Variants in TTC6 observed in about 807,000 individuals in gnomAD.
TTC6 encodes tetratricopeptide repeat protein 6.
In TTC6, 172 loss-of-function variants were observed where a neutral mutation model predicts 210.4. The ratio of observed to expected loss-of-function variants is 0.82; its 90% confidence interval spans 0.72 to 0.93. TTC6 has a LOEUF of 0.93. Ranked by LOEUF, TTC6 falls within the 40% of genes least tolerant of loss-of-function variation. The pLI is 0.00. For missense variants in TTC6, 2,414 were observed against 2,318.1 expected (o/e 1.04, Z -0.85); for synonymous variants, 804 against 819.6 (o/e 0.98, Z 0.32).
chr14:37,776,319 G>C (rs1219508273), intron 14 of TTC6, among the ~76,000 whole-genome samples: 2 of 152,112 alleles, frequency 1.3e-5, no homozygotes, highest in Non-Finnish European at 2.9e-5. Flanking sequence ...TTACATTCAA[G>C]GTTAGTGTTG....
At chr14:37,752,904 C>T (rs1487254024) in intron 13 of TTC6, among the ~76,000 whole-genome samples, 195 bp from the exon 16 acceptor site, 1 of 151,866 alleles carries the variant, frequency 6.6e-6, no homozygotes, top group Non-Finnish European at 1.5e-5. Context: ...AAAATACTCC[C>T]TCTCTAGAAT....
intron 24 of TTC6, 107 bp from the exon 27 acceptor site, chr14:37,812,202 CAAATT>C: frequency 8.9e-7 from 1 of 1,124,416 alleles, no homozygotes; most frequent in Non-Finnish European, 1.2e-6. Flanking sequence ...AATTATAAAA[CAAATT>C]GAAGAACTAA....
intron 10 of TTC6, among the ~76,000 whole-genome samples, chr14:37,741,940 C>G (rs1360141971): frequency 2.6e-5 from 4 of 152,150 alleles, no homozygotes; most frequent in African/African-American, 4.8e-5. Flanking sequence ...TCAGTGTTGA[C>G]AGAGCAGCCT....
rs377117749 is a variant in TTC6 at position 37,672,821 on chromosome 14, A to ATTTTTTTTTTTTTTTTTTTTTTTT, written c.940-7311_940-7310insTTTTTTTTTTTTTTTTTTTTTTTT. Among the ~76,000 whole-genome samples, 38 of 128,980 alleles carry ATTTTTTTTTTTTTTTTTTTTTTTT rather than the reference A, an allele frequency of 2.9e-4. 1 individual carries two copies. The highest frequency in any genetic ancestry group is 9.2e-4 in the African/African-American group (30 of 32,468). The allele number at this position is 128,980 out of a possible 152,430, so 84.6% of individuals were successfully genotyped here. On this transcript the variant is annotated intron_variant, in intron 1 of 30. Coordinates refer to ENST00000553443, the Ensembl canonical transcript of TTC6. ...TAAGCAAGCTTTTCATGAATTCCTC[A>ATTTTTTTTTTTTTTTTTTTTTTTT]TTTTTTTTTTTTTTTTTTTACTAAA...
chr14:37,765,427 A>T (rs7157460), intron 14 of TTC6, among the ~76,000 whole-genome samples: 1 of 150,644 alleles, frequency 6.6e-6, no homozygotes, highest in African/African-American at 2.4e-5. Context: ...GCAATCCCCC[A>T]ACTTTGTGAT....
At chr14:37,661,478 G>A (rs1472824139) in intron 1 of TTC6, among the ~76,000 whole-genome samples, 1 of 152,160 alleles carries the variant, frequency 6.6e-6, no homozygotes, top group Non-Finnish European at 1.5e-5. Flanking sequence ...TTAGATGCTT[G>A]TAGCTGTACT....
At chr14:37,688,758 G>A (rs1269771947) in intron 3 of TTC6, among the ~76,000 whole-genome samples, 2 of 152,146 alleles carry the variant, frequency 1.3e-5, no homozygotes, top group South Asian at 2.1e-4. Flanking sequence ...CTGGGCTTGG[G>A]GTCCCCCGCC....
At chr14:37,812,968 TA>T (rs1294656046) in intron 25 of TTC6, among the ~76,000 whole-genome samples, 1 of 152,216 alleles carries the variant, frequency 6.6e-6, no homozygotes, top group Non-Finnish European at 1.5e-5. Flanking sequence ...CATTAAAGAA[TA>T]ATTAAATAAA....
chr14:37,726,350 TC>T, intron 7 of TTC6, among the ~76,000 whole-genome samples: 1 of 152,182 alleles, frequency 6.6e-6, no homozygotes, highest in Non-Finnish European at 1.5e-5. Context: ...CATCAATTTA[TC>T]TCCTAGCTTT....
chr14:37,696,201 A>G (rs957582673), intron 3 of TTC6, among the ~76,000 whole-genome samples: 16 of 152,186 alleles, frequency 1.1e-4, no homozygotes, highest in Non-Finnish European at 1.8e-4. Flanking sequence ...TTTCCCAAGG[A>G]GGGCCTCCCT....
At chr14:37,698,007 A>G (rs1289865455) in intron 4 of TTC6, among the ~76,000 whole-genome samples, 1 of 152,186 alleles carries the variant, frequency 6.6e-6, no homozygotes, top group Non-Finnish European at 1.5e-5. Context: ...TTTCCTGAGC[A>G]TGCCAAAAAT....
intron 14 of TTC6, among the ~76,000 whole-genome samples, chr14:37,770,928 G>T (rs1249613301): frequency 1.4e-5 from 2 of 143,160 alleles, no homozygotes; most frequent in Non-Finnish European, 3.1e-5. Flanking sequence ...GCATGATTTT[G>T]CAGCGGCTGG....
chr14:37,760,436 A>G (rs2139097821), intron 14 of TTC6, among the ~76,000 whole-genome samples: 1 of 152,042 alleles, frequency 6.6e-6, no homozygotes, highest in African/African-American at 2.4e-5. Context: ...GTGTCTGTCG[A>G]CCCCTGTTGG....
chr14:37,768,796 C>T (rs1431749654), intron 14 of TTC6, among the ~76,000 whole-genome samples: 2 of 151,900 alleles, frequency 1.3e-5, no homozygotes, highest in Non-Finnish European at 2.9e-5. Flanking sequence ...CCTTTATTTC[C>T]TTCTCCTGCC....
chr14:37,604,249 A>T (rs1254134352), intron 1 of TTC6, among the ~76,000 whole-genome samples: 1 of 152,144 alleles, frequency 6.6e-6, no homozygotes, highest in East Asian at 1.9e-4. Flanking sequence ...AATTTCCTTG[A>T]CTGGTGGAGC....
At chr14:37,610,761 TG>T (rs1450178552) in intron 2 of TTC6, among the ~76,000 whole-genome samples, 2 of 152,220 alleles carry the variant, frequency 1.3e-5, no homozygotes, top group Non-Finnish European at 2.9e-5. Flanking sequence ...TGTGTTTATT[TG>T]TAATACACCA....
chr14:37,751,040 T>C lies in TTC6; in HGVS notation c.2957-13T>C. 6.7e-7 allele frequency: 1 copy of C among 1,497,428 alleles called. No homozygotes were observed. Among genetic ancestry groups the C allele is most frequent in the Non-Finnish European group, 8.9e-7 (1 of 1,124,402 alleles). 92.8% of individuals were successfully genotyped at this position (1,497,428 alleles called of 1,614,324 possible). A position where few individuals can be genotyped will look rare whatever the true frequency, so the allele number is the denominator to read the frequency against. On this transcript the variant is annotated splice_polypyrimidine_tract_variant and intron_variant, in intron 12 of 30. Coordinates refer to ENST00000553443, the Ensembl canonical transcript of TTC6. ...ATTATAACTCCAAATTTTATCTTTTTAATTTTCTTTAGAGGCATATTTGTC... is the reference window on the plus strand; with the variant it reads ...ATTATAACTCCAAATTTTATCTTTTCAATTTTCTTTAGAGGCATATTTGTC...
upstream of TTC6, among the ~76,000 whole-genome samples, chr14:37,619,441 A>G (rs2139286463): frequency 6.6e-6 from 1 of 152,330 alleles, no homozygotes; most frequent in East Asian, 1.9e-4. Context: ...CCAACTAAGA[A>G]ATGTAGATAA....
exon 29 of TTC6, chr14:37,827,227 G>A (rs143675181): frequency 6.8e-6 from 11 of 1,612,720 alleles, no homozygotes; most frequent in East Asian, 4.5e-5. Context: ...TTAACAAATC[G>A]TGGGGTGATT....
Sources: allele counts gnomAD v4.1 joint callset (sites outside exome capture counted in the v4.1 genomes callset), GRCh38; gene constraint gnomAD v4.1.1; transcripts MANE v1.5; gene names NCBI Gene and HGNC (gene_info 2026-07-23, HGNC 2026-07-21).